The following BCL7C variants were observed in gnomAD, a reference collection of about 807,000 sequenced individuals.
BCL7C encodes the protein B-cell CLL/lymphoma 7 protein family member C.
In BCL7C, 8 loss-of-function variants were observed where a neutral mutation model predicts 26.2. The observed-to-expected ratio is 0.30, with a 90% CI of 0.18 to 0.55. BCL7C has a LOEUF of 0.55. Among genes scored for constraint, BCL7C ranks in the 20% least tolerant of loss-of-function variants. The probability of loss-of-function intolerance (pLI) is 0.93; values close to 1 mark genes in which losing one functional copy is unlikely to be tolerated. For missense variants in BCL7C, 262 were observed against 298.5 expected, an observed-to-expected ratio of 0.88 and a Z score of 0.90; for synonymous variants, 90 against 116.5, an observed-to-expected ratio of 0.77 and a Z score of 1.47.
intron 5 of BCL7C, among the ~76,000 whole-genome samples, chr16:30,835,884 G>A (rs1596805846): frequency 6.6e-6 from 1 of 151,906 alleles, no homozygotes; most frequent in South Asian, 2.1e-4. Context: ...AGAGCACGAT[G>A]GTTTAGCCTG....
intron 5 of BCL7C, chr16:30,851,096 C>T: frequency 4.1e-6 from 1 of 241,516 alleles, no homozygotes; most frequent in South Asian, 5.3e-5. Flanking sequence ...CTTCGGGATT[C>T]AGCGAACTCT....
At chr16:30,840,497 C>T (rs993381849) in intron 5 of BCL7C, among the ~76,000 whole-genome samples, 1 of 152,168 alleles carries the variant, frequency 6.6e-6, no homozygotes, top group African/African-American at 2.4e-5. Flanking sequence ...GGATTACAGG[C>T]GTAAGCCACT....
chr16:30,879,147 T>A (rs1325699996), intron 5 of BCL7C, among the ~76,000 whole-genome samples: 1 of 152,132 alleles, frequency 6.6e-6, no homozygotes, highest in African/African-American at 2.4e-5. Flanking sequence ...GACTGGGGTG[T>A]CTCCTGGGAC....
At chr16:30,864,549 G>A (rs902681832) in intron 5 of BCL7C, among the ~76,000 whole-genome samples, 5 of 152,026 alleles carry the variant, frequency 3.3e-5, no homozygotes, top group African/African-American at 7.3e-5. Context: ...AATCCTGCTC[G>A]AAGCAGCCCT....
At chr16:30,855,353 C>T (rs1240754778) in intron 5 of BCL7C, among the ~76,000 whole-genome samples, 1 of 152,090 alleles carries the variant, frequency 6.6e-6, no homozygotes, top group African/African-American at 2.4e-5. Flanking sequence ...ATTTGTCTGC[C>T]TTAGCCTCCT....
At chr16:30,860,128 C>G (rs1028961431) in intron 5 of BCL7C, among the ~76,000 whole-genome samples, 1 of 152,136 alleles carries the variant, frequency 6.6e-6, no homozygotes, top group South Asian at 2.1e-4. Context: ...TCTTTTTCCT[C>G]TCTAGTAGAG....
chr16:30,848,185 A>G (rs2054647605), intron 5 of BCL7C, among the ~76,000 whole-genome samples: 1 of 152,226 alleles, frequency 6.6e-6, no homozygotes, highest in Non-Finnish European at 1.5e-5. Flanking sequence ...ATCACAAGGA[A>G]GAGAGAATCC....
chr16:30,863,017 A>G (rs780253741), intron 5 of BCL7C, among the ~76,000 whole-genome samples: 9 of 152,170 alleles, frequency 5.9e-5, no homozygotes, highest in Non-Finnish European at 1.0e-4. Flanking sequence ...CATGCCCTGT[A>G]GCCTATCCAA....
intron 4 of BCL7C, among the ~76,000 whole-genome samples, chr16:30,891,169 A>C (rs2055223340): frequency 1.5e-5 from 1 of 67,218 alleles, no homozygotes; most frequent in Non-Finnish European, 3.0e-5. Flanking sequence ...ACTTCATCTC[A>C]AAAAAAAAAA....
In BCL7C at chr16:30,892,597, C is replaced by T; in HGVS notation, c.431G>A (p.Gly144Asp). ...GTACCTGGTCCTACCTCTCTCTTGGCCCAGCCGTGGGGGCTGAGCCTCCTC... is the reference window on the plus strand; with the variant it reads ...GTACCTGGTCCTACCTCTCTCTTGGTCCAGCCGTGGGGGCTGAGCCTCCTC... ...VPEEAQPPRL[G>D]QERDPGGITA... is the part of the protein sequence containing the mutation. The change falls in exon 4 of 6, where the codon GGC becomes GAC. Residue 144 changes from glycine (G) to aspartate (D), a missense_variant. Physicochemically the swap from Gly to Asp is moderately conservative, Grantham distance 94 (BLOSUM62 -1). Coordinates refer to ENST00000215115, the MANE Select transcript of BCL7C (RefSeq NM_004765.4). 3 of 1,567,350 alleles carry T rather than the reference C, an allele frequency of 1.9e-6. No individual in the cohort carries two copies. The highest frequency in any genetic ancestry group is 1.2e-5 in the South Asian group (1 of 82,782).
chr16:30,852,721 A>G (rs895869183), intron 5 of BCL7C, among the ~76,000 whole-genome samples: 3 of 151,768 alleles, frequency 2.0e-5, no homozygotes, highest in African/African-American at 4.8e-5. Flanking sequence ...CAAACTCCTG[A>G]CCTCAGGTGA....
At chr16:30,855,704 C>A (rs981909764) in intron 5 of BCL7C, among the ~76,000 whole-genome samples, 3 of 152,066 alleles carry the variant, frequency 2.0e-5, no homozygotes, top group Non-Finnish European at 4.4e-5. Flanking sequence ...GCAAGAGGAT[C>A]GCTTGAGCCC....
At chr16:30,884,921 A>G (rs532827745), downstream of BCL7C, among the ~76,000 whole-genome samples, 48 of 152,312 alleles carry the variant, frequency 3.2e-4, no homozygotes, top group South Asian at 4.1e-3. Context: ...CTGAGCTTCA[A>G]CACTGCACCA....
chr16:30,875,537 G>C (rs1397394668), intron 5 of BCL7C: 2 of 152,250 alleles, frequency 1.3e-5, no homozygotes, highest in African/African-American at 4.8e-5. Flanking sequence ...TGCCTCCACT[G>C]CGAGCACAGC....
intron 5 of BCL7C, among the ~76,000 whole-genome samples, chr16:30,868,847 T>TA (rs989434196): frequency 3.8e-4 from 58 of 151,412 alleles, no homozygotes; most frequent in African/African-American, 1.3e-3. Flanking sequence ...AGAAAAATAA[T>TA]ACAACAGCAA....
At chr16:30,888,834 G>T (rs370439394) in intron 5 of BCL7C, 26 bp downstream of exon 5, 3 of 1,610,492 alleles carry the variant, frequency 1.9e-6, no homozygotes, top group East Asian at 2.2e-5. Context: ...CAAGACCCAG[G>T]AGTCCAGCCT....
At chr16:30,851,891 T>C in intron 5 of BCL7C, 1 of 224,094 alleles carries the variant, frequency 4.5e-6, no homozygotes, top group Non-Finnish European at 9.2e-6. Flanking sequence ...TGGTTCGTTG[T>C]TGTTGCATAG....
At chr16:30,885,467 T>C (rs1280665648), downstream of BCL7C, among the ~76,000 whole-genome samples, 1 of 151,068 alleles carries the variant, frequency 6.6e-6, no homozygotes, top group African/African-American at 2.4e-5. Flanking sequence ...TGGAGTATAG[T>C]GGTGCGATCT....
chr16:30,879,691 A>AAAAAAAAAAC (rs2055010198), intron 5 of BCL7C, among the ~76,000 whole-genome samples: 1 of 138,316 alleles, frequency 7.2e-6, no homozygotes, highest in African/African-American at 2.6e-5. Context: ...CTTCTCTACA[A>AAAAAAAAAAC]AAAAAAAAAA....
Sources: gnomAD v4.1 joint callset for allele counts (sites outside exome capture counted in the v4.1 genomes callset) on GRCh38, gnomAD v4.1.1 for gene constraint, MANE v1.5 for transcripts, NCBI Gene and HGNC (gene_info 2026-07-23, HGNC 2026-07-21) for gene names.